The following SLC4A10 variants were observed in gnomAD, a reference collection of about 807,000 sequenced individuals.
SLC4A10 encodes sodium-driven chloride bicarbonate exchanger.
A neutral mutation model predicts 137.7 loss-of-function variants in SLC4A10; 42 were observed. The observed-to-expected ratio is 0.30, with a 90% confidence interval of 0.24 to 0.39. The LOEUF is 0.39. SLC4A10 is among the 10% of genes least tolerant of loss of function. The probability of loss-of-function intolerance (pLI) is 1.00; values close to 1 mark genes in which losing one functional copy is unlikely to be tolerated. For missense variants in SLC4A10, 925 were observed against 1,355.0 expected (o/e 0.68, Z 4.98); for synonymous variants, 474 against 464.1 (o/e 1.02, Z -0.27).
At chr2:161,663,275 A>C (rs1179586380) in intron 1 of SLC4A10, among the ~76,000 whole-genome samples, 1 of 152,184 alleles carries the variant, frequency 6.6e-6, no homozygotes, top group Non-Finnish European at 1.5e-5. Context: ...TACCAAACAC[A>C]CAAAAAACAA....
intron 1 of SLC4A10, among the ~76,000 whole-genome samples, chr2:161,641,209 A>G (rs1467804901): frequency 6.6e-6 from 1 of 152,136 alleles, no homozygotes; most frequent in Non-Finnish European, 1.5e-5. Flanking sequence ...GGCTAGACAG[A>G]GACACTTGTT....
At chr2:161,718,095 G>A (rs1171873687) in intron 1 of SLC4A10, among the ~76,000 whole-genome samples, 2 of 152,160 alleles carry the variant, frequency 1.3e-5, no homozygotes, top group Non-Finnish European at 1.5e-5. Flanking sequence ...TGTTTGCATA[G>A]AGGTGTTTAT....
intron 1 of SLC4A10, among the ~76,000 whole-genome samples, chr2:161,665,584 A>T (rs1041497553): frequency 2.0e-5 from 3 of 151,748 alleles, no homozygotes; most frequent in Non-Finnish European, 3.0e-5. Flanking sequence ...TGGGGATTTC[A>T]ATTATGGGTT....
chr2:161,813,739 A>G (rs1287272279), intron 3 of SLC4A10, among the ~76,000 whole-genome samples: 3 of 152,174 alleles, frequency 2.0e-5, no homozygotes, highest in Non-Finnish European at 2.9e-5. Flanking sequence ...ATGAGCAAAT[A>G]AAAATAAGCT....
intron 3 of SLC4A10, among the ~76,000 whole-genome samples, chr2:161,839,561 A>G (rs1026269900): frequency 1.3e-5 from 2 of 152,162 alleles, no homozygotes; most frequent in Non-Finnish European, 1.5e-5. Flanking sequence ...ACATTAATAT[A>G]TACATTTTAC....
At chr2:161,654,604 G>C (rs976217598) in intron 1 of SLC4A10, among the ~76,000 whole-genome samples, 8 of 152,102 alleles carry the variant, frequency 5.3e-5, no homozygotes, top group Non-Finnish European at 1.2e-4. Flanking sequence ...TGAATATCCA[G>C]TTTTTCCATC....
At chr2:161,695,446 GGAGGTACGATTTTAGA>G (rs1408912081) in intron 1 of SLC4A10, among the ~76,000 whole-genome samples, 1 of 151,970 alleles carries the variant, frequency 6.6e-6, no homozygotes, top group Non-Finnish European at 1.5e-5. Flanking sequence ...TCATCCTTCA[GGAGGTACGATTTTAGA>G]GATAAATTCT....
intron 1 of SLC4A10, among the ~76,000 whole-genome samples, chr2:161,681,433 T>C (rs2040837194): frequency 6.6e-6 from 1 of 152,194 alleles, no homozygotes; most frequent in African/African-American, 2.4e-5. Flanking sequence ...GGAACATGGC[T>C]AGTTAGTTCT....
chr2:161,655,262 G>A (rs2037349674), intron 1 of SLC4A10, among the ~76,000 whole-genome samples: 2 of 152,058 alleles, frequency 1.3e-5, no homozygotes, highest in South Asian at 4.2e-4. Context: ...CAGTTTTTTG[G>A]TGGGATATTT....
chr2:161,977,007 T>A, intron 25 of SLC4A10, 131 bp downstream of exon 25: 1 of 544,722 alleles, frequency 1.8e-6, no homozygotes, highest in South Asian at 3.4e-5. Context: ...TTTCCAAAAG[T>A]GGGTAGAAAT....
chr2:161,947,457 G>C (rs2105797882), intron 16 of SLC4A10, 109 bp from the exon 17 acceptor site: 1 of 1,137,298 alleles, frequency 8.8e-7, no homozygotes, highest in South Asian at 1.8e-5. Flanking sequence ...GAGCCATAAA[G>C]GAAAAGCCTC....
At chr2:161,829,486 C>T (rs775214736) in intron 3 of SLC4A10, among the ~76,000 whole-genome samples, 30 of 151,868 alleles carry the variant, frequency 2.0e-4, no homozygotes, top group Non-Finnish European at 3.8e-4. Context: ...AATTAATTGC[C>T]GAGTTAAAGG....
chr2:161,652,176 A>G (rs2036893112), intron 1 of SLC4A10, among the ~76,000 whole-genome samples: 1 of 152,194 alleles, frequency 6.6e-6, no homozygotes, highest in African/African-American at 2.4e-5. Flanking sequence ...GGAGGTACCT[A>G]TGTACATTAT....
At chr2:161,966,229 A>G (rs1697553733) in intron 23 of SLC4A10, among the ~76,000 whole-genome samples, 1 of 152,162 alleles carries the variant, frequency 6.6e-6, no homozygotes, top group African/African-American at 2.4e-5. Flanking sequence ...CCCTTACTCT[A>G]CATGGTGTTC....
chr2:161,907,653 G>A (rs1684768628), intron 15 of SLC4A10, among the ~76,000 whole-genome samples: 1 of 152,160 alleles, frequency 6.6e-6, no homozygotes, highest in African/African-American at 2.4e-5. Flanking sequence ...GCTTCCTGGA[G>A]GAAATAATGT....
intron 25 of SLC4A10, among the ~76,000 whole-genome samples, chr2:161,977,465 G>A (rs1439565686): frequency 6.6e-6 from 1 of 152,022 alleles, no homozygotes; most frequent in Non-Finnish European, 1.5e-5. Flanking sequence ...GGAAGAGTGT[G>A]TCCCTAAATA....
At chr2:161,759,436 A>G (rs951350541) in intron 1 of SLC4A10, among the ~76,000 whole-genome samples, 1 of 151,960 alleles carries the variant, frequency 6.6e-6, no homozygotes, top group Non-Finnish European at 1.5e-5. Context: ...AAACTTATTC[A>G]TCTTATAACT....
intron 1 of SLC4A10, among the ~76,000 whole-genome samples, chr2:161,757,715 A>G (rs1030060161): frequency 6.6e-6 from 1 of 152,172 alleles, no homozygotes; most frequent in African/African-American, 2.4e-5. Context: ...GCTTAGTGCC[A>G]ATTGAAAGTA....
At chr2:161,807,613 G>A (rs752414205) in intron 3 of SLC4A10, among the ~76,000 whole-genome samples, 3 of 152,056 alleles carry the variant, frequency 2.0e-5, no homozygotes, top group Non-Finnish European at 4.4e-5. Context: ...TGCATAGCAT[G>A]CAGTCTTAGG....
Sources: allele counts gnomAD v4.1 joint callset (sites outside exome capture counted in the v4.1 genomes callset), GRCh38; gene constraint gnomAD v4.1.1; transcripts MANE v1.5; gene names NCBI Gene and HGNC (gene_info 2026-07-23, HGNC 2026-07-21).